Variants in PARP8 observed in about 807,000 individuals in gnomAD.
PARP8 encodes the protein poly(ADP-ribose) polymerase family member 8.
PARP8 carries 51 observed loss-of-function variants against 124.1 expected under a neutral mutation model. The observed-to-expected ratio is 0.41, with a 90% CI of 0.33 to 0.52. The LOEUF is 0.52. Among genes scored for constraint, PARP8 ranks in the 20% least tolerant of loss-of-function variants. The pLI is 0.21. For synonymous variants in PARP8, 391 were observed against 361.5 expected, an observed-to-expected ratio of 1.08 and a Z score of -0.93; for missense variants, 860 against 1,018.9, an observed-to-expected ratio of 0.84 and a Z score of 2.12.
At chr5:50,828,238 CTTA>C in intron 20 of PARP8, 71 bp from the exon 21 acceptor site, 4 of 1,442,518 alleles carry the variant, frequency 2.8e-6, no homozygotes, top group Admixed American at 3.4e-5. Flanking sequence ...GGCACCATGA[CTTA>C]TTATGTTTTG....
At chr5:50,736,374 A>G (rs1757479051) in intron 2 of PARP8, among the ~76,000 whole-genome samples, 1 of 152,074 alleles carries the variant, frequency 6.6e-6, no homozygotes, top group African/African-American at 2.4e-5. Flanking sequence ...TTTGTAATGG[A>G]TATGCTATTA....
chr5:50,759,397 A>G (rs1242635793), intron 3 of PARP8, among the ~76,000 whole-genome samples: 4 of 152,170 alleles, frequency 2.6e-5, no homozygotes, highest in Non-Finnish European at 5.9e-5. Flanking sequence ...ATGTACCTGG[A>G]TAGTCTCTAT....
chr5:50,822,694 AT>A (rs1745896708), intron 17 of PARP8, among the ~76,000 whole-genome samples: 1 of 152,194 alleles, frequency 6.6e-6, no homozygotes, highest in African/African-American at 2.4e-5. Flanking sequence ...ATCTGGTACC[AT>A]TTTCCTAGAC....
intron 2 of PARP8, among the ~76,000 whole-genome samples, chr5:50,709,182 C>T (rs1292012750): frequency 6.6e-6 from 1 of 151,978 alleles, no homozygotes; most frequent in Non-Finnish European, 1.5e-5. Flanking sequence ...TAGTGATACT[C>T]AGTTTCTTAT....
chr5:50,678,369 T>C (rs1470609777), intron 2 of PARP8, among the ~76,000 whole-genome samples: 1 of 152,184 alleles, frequency 6.6e-6, no homozygotes, highest in Non-Finnish European at 1.5e-5. Context: ...ACACATAACA[T>C]GTACATACCT....
chr5:50,696,779 C>T (rs1175520726), intron 2 of PARP8, among the ~76,000 whole-genome samples: 1 of 152,084 alleles, frequency 6.6e-6, no homozygotes, highest in Non-Finnish European at 1.5e-5. Flanking sequence ...TCTGCTTGCC[C>T]CCTAATCTGT....
intron 7 of PARP8, among the ~76,000 whole-genome samples, chr5:50,774,224 G>A (rs368357168): frequency 2.6e-5 from 4 of 152,180 alleles, no homozygotes; most frequent in South Asian, 2.1e-4. Flanking sequence ...ATGGAGTCTC[G>A]TATGTCTACT....
At chr5:50,733,023 C>A (rs756312136) in intron 2 of PARP8, among the ~76,000 whole-genome samples, 1 of 150,862 alleles carries the variant, frequency 6.6e-6, no homozygotes, top group African/African-American at 2.4e-5. Context: ...GGTGAAAGGC[C>A]GGGCGCGGTG....
intron 2 of PARP8, among the ~76,000 whole-genome samples, chr5:50,734,495 A>G (rs1757291493): frequency 6.6e-6 from 1 of 152,192 alleles, no homozygotes; most frequent in African/African-American, 2.4e-5. Context: ...ATGTAGGTGA[A>G]TGCTTTGCTG....
At chr5:50,838,498 A>G (rs1428826809) in intron 25 of PARP8, among the ~76,000 whole-genome samples, 2 of 152,054 alleles carry the variant, frequency 1.3e-5, no homozygotes, top group African/African-American at 4.8e-5. Context: ...AGATAAGCCA[A>G]AAAAAGGAGA....
At chr5:50,818,175 A>AG (rs1476100747) in intron 15 of PARP8, among the ~76,000 whole-genome samples, 2,060 of 109,098 alleles carry the variant, frequency 0.019, 29 homozygotes, top group African/African-American at 0.032. Context: ...TATATCATTT[A>AG]GCCCCCCCCC....
chr5:50,786,478 C>G (rs995700090), intron 9 of PARP8, among the ~76,000 whole-genome samples: 1 of 151,878 alleles, frequency 6.6e-6, no homozygotes, highest in Non-Finnish European at 1.5e-5. Flanking sequence ...GATCCTCCCA[C>G]CTCAGCCTCC....
chr5:50,712,241 A>T (rs1356975692), intron 2 of PARP8, among the ~76,000 whole-genome samples: 1 of 152,144 alleles, frequency 6.6e-6, no homozygotes. Flanking sequence ...TCCTCCCAGG[A>T]TTATATATTT....
At chr5:50,799,683 T>C (rs1332167276) in intron 14 of PARP8, among the ~76,000 whole-genome samples, 2 of 152,196 alleles carry the variant, frequency 1.3e-5, no homozygotes, top group Non-Finnish European at 2.9e-5. Flanking sequence ...GATGTGTTCC[T>C]CCCAGAATTC....
intron 10 of PARP8, among the ~76,000 whole-genome samples, chr5:50,790,546 A>C (rs1467250754): frequency 6.6e-6 from 1 of 152,126 alleles, no homozygotes; most frequent in African/African-American, 2.4e-5. Context: ...TTTGCAAGAC[A>C]CTTACAAACT....
intron 14 of PARP8, among the ~76,000 whole-genome samples, chr5:50,808,196 A>G (rs2149677288): frequency 6.6e-6 from 1 of 151,908 alleles, no homozygotes; most frequent in African/African-American, 2.4e-5. Flanking sequence ...GGAGATCAAA[A>G]ATGCGTCTGT....
intron 2 of PARP8, among the ~76,000 whole-genome samples, chr5:50,716,525 C>T (rs750138795): frequency 6.6e-6 from 1 of 152,062 alleles, no homozygotes; most frequent in Non-Finnish European, 1.5e-5. Context: ...CATGCTGGCT[C>T]AGGTAGACTA....
intron 2 of PARP8, among the ~76,000 whole-genome samples, chr5:50,675,718 T>C (rs185029561): frequency 2.7e-4 from 41 of 152,288 alleles, no homozygotes; most frequent in African/African-American, 9.4e-4. Flanking sequence ...CTGATTAATA[T>C]AATTAGTTTA....
chr5:50,707,474 G>A (rs1173052390), intron 2 of PARP8, among the ~76,000 whole-genome samples: 1 of 152,012 alleles, frequency 6.6e-6, no homozygotes, highest in Admixed American at 6.6e-5. Context: ...CTCAAAAACA[G>A]TGGCAAATTG....
Sources: gnomAD v4.1 joint callset for allele counts (sites outside exome capture counted in the v4.1 genomes callset) on GRCh38, gnomAD v4.1.1 for gene constraint, MANE v1.5 for transcripts, NCBI Gene and HGNC (gene_info 2026-07-23, HGNC 2026-07-21) for gene names.